Variants in SLC9A8 observed in about 807,000 individuals in gnomAD.
SLC9A8 encodes sodium/hydrogen exchanger 8.
A neutral mutation model predicts 66.6 loss-of-function variants in SLC9A8; 48 were observed. The ratio of observed to expected loss-of-function variants is 0.72; its 90% CI spans 0.57 to 0.92. The LOEUF is 0.92. SLC9A8 is among the 40% of genes least tolerant of loss of function. The pLI is 0.00. For synonymous variants in SLC9A8, 274 were observed against 282.6 expected (o/e 0.97, Z 0.31); for missense variants, 599 against 747.3 (o/e 0.80, Z 2.31).
chr20:49,887,102 G>T (rs1019090167), intron 15 of SLC9A8, among the ~76,000 whole-genome samples: 1 of 152,236 alleles, frequency 6.6e-6, no homozygotes, highest in Non-Finnish European at 1.5e-5. Context: ...CACATTTAGT[G>T]CGAGGTTAAT....
At chr20:49,873,599 C>T (rs770785213) in intron 10 of SLC9A8, among the ~76,000 whole-genome samples, 6 of 151,316 alleles carry the variant, frequency 4.0e-5, no homozygotes, top group South Asian at 2.1e-4. Flanking sequence ...GGAGAAACCT[C>T]GTCTCTACCA....
chr20:49,853,479 C>T (rs969059069), intron 7 of SLC9A8, among the ~76,000 whole-genome samples: 1 of 152,196 alleles, frequency 6.6e-6, no homozygotes, highest in African/African-American at 2.4e-5. Flanking sequence ...CCTTCCTTCA[C>T]GGCCTCTGGT....
intron 11 of SLC9A8, 123 bp downstream of exon 11, chr20:49,874,944 A>T: frequency 1.4e-6 from 1 of 721,654 alleles, no homozygotes; most frequent in Non-Finnish European, 2.5e-6. Flanking sequence ...TCAGAGCCAG[A>T]TCCCTCACTC....
At chr20:49,875,870 G>T (rs1477799557) in intron 11 of SLC9A8, among the ~76,000 whole-genome samples, 2 of 152,002 alleles carry the variant, frequency 1.3e-5, no homozygotes, top group South Asian at 2.1e-4. Flanking sequence ...GAGTAGCTGG[G>T]ACTATAGGTG....
At chr20:49,873,720 GATTTCACGCT>G (rs1316873459) in intron 10 of SLC9A8, among the ~76,000 whole-genome samples, 1 of 130,522 alleles carries the variant, frequency 7.7e-6, no homozygotes, top group Non-Finnish European at 1.6e-5. Context: ...GCAGTGAGTC[GATTTCACGCT>G]ATTGCACTCC....
chr20:49,887,218 T>C (rs1455462766), intron 15 of SLC9A8, among the ~76,000 whole-genome samples: 1 of 152,198 alleles, frequency 6.6e-6, no homozygotes, highest in Non-Finnish European at 1.5e-5. Context: ...GGCCTCAAGC[T>C]GTGGCCCAAG....
At chr20:49,887,303 A>G (rs1220215733) in intron 15 of SLC9A8, among the ~76,000 whole-genome samples, 1 of 152,002 alleles carries the variant, frequency 6.6e-6, no homozygotes, top group East Asian at 1.9e-4. Flanking sequence ...GGCCTTGGGT[A>G]GGGGTGGGGC....
chr20:49,869,823 C>G (rs1220870584), intron 10 of SLC9A8, among the ~76,000 whole-genome samples: 1 of 111,956 alleles, frequency 8.9e-6, no homozygotes, highest in Non-Finnish European at 1.8e-5. Context: ...CAGAGCAAGA[C>G]TCCATCTCAA....
chr20:49,886,887 C>G lies in SLC9A8; in HGVS notation c.1627C>G (p.Leu543Val), dbSNP rs1389268371. Reference protein sequence around the residue: ...KYLNPFFTRRLTQEDLHHGRI... With the variant: ...KYLNPFFTRRVTQEDLHHGRI... Reference sequence around the variant, plus strand: ...CCTGAACCCCTTCTTCACTCGGAGGCTGACGCAGGAGGTGGGATACCGGCC... The same window carrying G: ...CCTGAACCCCTTCTTCACTCGGAGGGTGACGCAGGAGGTGGGATACCGGCC... The change falls in exon 15 of 16, where the codon CTG becomes GTG. Residue 543 changes from leucine (L) to valine (V), a missense_variant. Physicochemically the swap from Leu to Val is conservative, Grantham distance 32. Around this residue, in one of 2 missense-constraint regions of SLC9A8, gnomAD observed 467 missense variants for 626.5 expected, o/e 0.75. Transcript: ENST00000361573. The surrounding 1 kb of genome is among the most constrained non-coding windows in gnomAD (Gnocchi z 4.8). 1 of 1,613,768 alleles carries G rather than the reference C, an allele frequency of 6.2e-7. No homozygotes were observed.
chr20:49,882,580 C>G (rs1268578754), intron 13 of SLC9A8, among the ~76,000 whole-genome samples: 2 of 152,234 alleles, frequency 1.3e-5, no homozygotes, highest in African/African-American at 4.8e-5. Flanking sequence ...TCCACCTAGT[C>G]CCAAAGCTGT....
chr20:49,882,369 A>G (rs2089658963), intron 13 of SLC9A8, among the ~76,000 whole-genome samples: 1 of 152,018 alleles, frequency 6.6e-6, no homozygotes. Flanking sequence ...CACTGCCCCT[A>G]CCTTCTGGCG....
chr20:49,871,576 G>A (rs888975665), intron 10 of SLC9A8, among the ~76,000 whole-genome samples: 6 of 152,208 alleles, frequency 3.9e-5, no homozygotes, highest in Non-Finnish European at 7.3e-5. Flanking sequence ...TGCTCCACTG[G>A]CCGCAGATGA....
intron 3 of SLC9A8, among the ~76,000 whole-genome samples, chr20:49,824,594 C>G (rs536948502): frequency 6.6e-6 from 1 of 152,246 alleles, no homozygotes; most frequent in African/African-American, 2.4e-5. Flanking sequence ...CTTATAATTT[C>G]ATTTGGAATT....
At chr20:49,862,890 T>A in intron 8 of SLC9A8, 39 bp from the exon 9 acceptor site, 1 of 1,518,808 alleles carries the variant, frequency 6.6e-7, no homozygotes, top group Non-Finnish European at 9.1e-7. Context: ...TTTGTGTATA[T>A]AACATTTTAA....
chr20:49,830,076 CTCATTTCCA>C, intron 3 of SLC9A8: 1 of 728,178 alleles, frequency 1.4e-6, no homozygotes, highest in South Asian at 1.3e-5. Context: ...GATGCAGATC[CTCATTTCCA>C]TCATTTCCTG....
At chr20:49,873,347 T>C (rs916655472) in intron 10 of SLC9A8, among the ~76,000 whole-genome samples, 2 of 151,730 alleles carry the variant, frequency 1.3e-5, no homozygotes, top group African/African-American at 4.8e-5. Flanking sequence ...CTGGGCGTGG[T>C]GGTATGTGCC....
intron 14 of SLC9A8, among the ~76,000 whole-genome samples, chr20:49,884,334 A>ACC (rs1568884590): frequency 4.8e-5 from 6 of 124,442 alleles, no homozygotes; most frequent in South Asian, 2.6e-4. Flanking sequence ...ACACACACAC[A>ACC]CACCCCCCGG....
In SLC9A8 at chr20:49,878,026, C is replaced by G; in HGVS notation, c.1121C>G (p.Pro374Arg). ...CTTGGCCTGTCCATTTTTAGTTTTCCTCACAAGTTTGAAATTTCCTTTGTC... is the reference window on the plus strand; with the variant it reads ...CTTGGCCTGTCCATTTTTAGTTTTCGTCACAAGTTTGAAATTTCCTTTGTC... ...AFLGLSIFSFPHKFEISFVIW... is the reference protein window; with the variant it reads ...AFLGLSIFSFRHKFEISFVIW... Residue 374 changes from proline (P) to arginine (R), a missense_variant, in exon 12 of 16, where the codon CCT (proline) becomes CGT (arginine). Transcript: ENST00000361573. 1 of 1,602,856 alleles carries G rather than the reference C, an allele frequency of 6.2e-7. No individual in the cohort carries two copies. Among genetic ancestry groups the G allele is most frequent in the Non-Finnish European group, 8.5e-7 (1 of 1,177,294 alleles).
chr20:49,883,557 C>T (rs1000819196), intron 13 of SLC9A8, among the ~76,000 whole-genome samples: 1 of 152,160 alleles, frequency 6.6e-6, no homozygotes, highest in South Asian at 2.1e-4. Context: ...TTCCAAGACA[C>T]GAGCATCAGG....
Sources: gnomAD v4.1 joint callset for allele counts (sites outside exome capture counted in the v4.1 genomes callset) on GRCh38, gnomAD v4.1.1 for gene constraint, gnomAD v4.1.1 regional missense constraint, Gnocchi (gnomAD v3.1) non-coding constraint, MANE v1.5 for transcripts, NCBI Gene and HGNC (gene_info 2026-07-23, HGNC 2026-07-21) for gene names.